SYNE2: variants seen among roughly 807,000 people sequenced by gnomAD.
SYNE2 encodes nesprin-2.
SYNE2 carries 431 observed loss-of-function variants against 856.3 expected under a neutral mutation model. The observed-to-expected ratio is 0.50, with a 90% CI of 0.47 to 0.55. The LOEUF (loss-of-function observed/expected upper bound fraction) is 0.55, where lower values mean the gene tolerates loss of function less well. SYNE2 is among the 20% of genes least tolerant of loss of function. The pLI, the probability that SYNE2 is intolerant of heterozygous loss-of-function variation, is 0.00. For synonymous variants in SYNE2, 2,923 were observed against 2,872.3 expected (o/e 1.02, Z -0.56); for missense variants, 8,129 against 8,023.2 (o/e 1.01, Z -0.50).
At position 64,074,133 on chromosome 14, in the gene SYNE2, T is replaced by C; in HGVS notation, c.10863T>C (p.Phe3621=). The C allele has an allele frequency of 6.2e-7, 1 of 1,613,900 alleles. No individual in the cohort carries two copies. The part of the protein sequence containing the change: ...FQDHPEKSEQ[F]EELQSILKKG... ...ATCACCCAGAAAAGTCAGAACAATTTGAGGTAAGTGAGGAATGAATTAGTG... is the reference window on the plus strand; with the variant it reads ...ATCACCCAGAAAAGTCAGAACAATTCGAGGTAAGTGAGGAATGAATTAGTG... Residue 3621 remains phenylalanine (F), a synonymous_variant, in exon 53 of 116, where the codon TTT becomes TTC. Coordinates refer to ENST00000555002, the MANE Select transcript of SYNE2 (RefSeq NM_182914.3).
At chr14:64,117,055 G>T (rs75640590) in intron 66 of SYNE2, among the ~76,000 whole-genome samples, 5,707 of 152,246 alleles carry the variant, frequency 0.037, 341 homozygotes, top group African/African-American at 0.12. Context: ...GTCTGTGGGG[G>T]TTGTGTTACA....
rs139831301 is a variant in SYNE2, at chr14:64,116,323, T to C, written c.12840+2752T>C. ...TTAAAAAAATATCATTCTGGAAAAA[T>C]AGATACTCTAATGTCTGGTAGTTCT... On this transcript the variant is annotated intron_variant, in intron 66 of 115. Transcript: ENST00000555002. 6.5e-4 allele frequency among the ~76,000 whole-genome samples: 99 copies of C among 152,296 alleles called. 1 individual carries two copies. In the East Asian group the frequency reaches 0.018, roughly 28 times the overall value.
At chr14:64,126,891 C>A (rs541546598) in intron 73 of SYNE2, 84 bp downstream of exon 73, 5 of 1,367,194 alleles carry the variant, frequency 3.7e-6, no homozygotes, top group Non-Finnish European at 5.1e-6. Flanking sequence ...TTCCTGGTGA[C>A]ATTTGTTAAT....
In SYNE2 at chr14:64,021,417, G is replaced by C; in HGVS notation, c.5254G>C (p.Glu1752Gln). Reference protein sequence around the residue: ...ALSGSTAELREDLDQAKTQIG... With the variant: ...ALSGSTAELRQDLDQAKTQIG... ...CAGTGGCAGCACTGCTGAGCTAAGGGAGGATCTCGACCAAGCCAAGACCCA... is the reference window on the plus strand; with the variant it reads ...CAGTGGCAGCACTGCTGAGCTAAGGCAGGATCTCGACCAAGCCAAGACCCA... Residue 1752 changes from glutamate (E) to glutamine (Q), a missense_variant, in exon 36 of 116, where the codon GAG becomes CAG. Physicochemically the swap from Glu to Gln is conservative, Grantham distance 29. Around this residue, in one of 3 missense-constraint regions of SYNE2, gnomAD observed 2,422 missense variants for 2,357.4 expected, o/e 1.03. Coordinates refer to ENST00000555002, the MANE Select transcript of SYNE2 (RefSeq NM_182914.3). 1 of 1,614,160 alleles carries C rather than the reference G, an allele frequency of 6.2e-7. No homozygotes were observed.
At chr14:63,902,718 A>T (rs963757286) in intron 1 of SYNE2, among the ~76,000 whole-genome samples, 2 of 151,260 alleles carry the variant, frequency 1.3e-5, no homozygotes, top group Non-Finnish European at 2.9e-5. Flanking sequence ...TTTGGAGACA[A>T]GGTCTTGCTT....
chr14:64,052,132 T>C lies in SYNE2; in HGVS notation c.8219T>C (p.Ile2740Thr), dbSNP rs1477836562. 1 of 1,614,140 alleles carries C rather than the reference T, an allele frequency of 6.2e-7. No homozygotes were observed. Among genetic ancestry groups the C allele is most frequent in the South Asian group, 1.1e-5 (1 of 91,082 alleles). The change falls in exon 48 of 116, where the codon ATC becomes ACC. Residue 2740 changes from isoleucine to threonine, a missense_variant. Coordinates refer to ENST00000555002, the MANE Select transcript of SYNE2 (RefSeq NM_182914.3). Reference sequence around the variant, plus strand: ...ATAAGGAACAAGATGAAAGAGACTATCTTATGGGCCAAGAATTTGTTGGGT... The same window carrying C: ...ATAAGGAACAAGATGAAAGAGACTACCTTATGGGCCAAGAATTTGTTGGGT... Reference protein sequence around the residue: ...CDIRNKMKETILWAKNLLGEL... With the variant: ...CDIRNKMKETTLWAKNLLGEL...
At chr14:64,003,435 C>G in intron 30 of SYNE2, 105 bp downstream of exon 30, 2 of 1,403,700 alleles carry the variant, frequency 1.4e-6, no homozygotes, top group South Asian at 2.3e-5. Context: ...GCTTCTATTC[C>G]ATCCCACTCT....
At chr14:63,783,122 G>C (rs113105592) in intron 1 of SYNE2, among the ~76,000 whole-genome samples, 2 of 152,024 alleles carry the variant, frequency 1.3e-5, no homozygotes, top group Non-Finnish European at 2.9e-5. Context: ...GGGAGAGACC[G>C]GGTGGAGGTA....
chr14:63,982,177 GATA>G (rs2096590496), intron 16 of SYNE2, among the ~76,000 whole-genome samples: 1 of 152,186 alleles, frequency 6.6e-6, no homozygotes, highest in Non-Finnish European at 1.5e-5. Flanking sequence ...GGAACTGTTA[GATA>G]ATATTTCTGG....
At position 63,943,198 on chromosome 14, in the gene SYNE2, T is replaced by G. The variant is rs1388848526; in HGVS notation, c.408+1055T>G. 3.3e-5 allele frequency among the ~76,000 whole-genome samples: 5 copies of G among 152,170 alleles called. No individual in the cohort carries two copies. In the East Asian group the frequency reaches 9.6e-4, roughly 29 times the overall value. On this transcript the variant is annotated intron_variant, in intron 6 of 115. Transcript: ENST00000555002. ...CATCCAGTTCTATCCCAAGACTGAG[T>G]TGTGGATGCATTTCGTTTCACAGAT...
In SYNE2 at chr14:63,944,778, C is replaced by A. The variant is rs2095994501; in HGVS notation, c.408+2635C>A. On this transcript the variant is annotated intron_variant, in intron 6 of 115. Coordinates refer to ENST00000555002, the MANE Select transcript of SYNE2 (RefSeq NM_182914.3). ...TCATGATCTTCCTGCCTTGGCCTCC[C>A]AAAGTGCTGGGATTACAGGCGTGAG... is the stretch of plus-strand genomic sequence containing the variant. 1.4e-5 allele frequency among the ~76,000 whole-genome samples: 2 copies of A among 145,234 alleles called. 1 individual carries two copies. The highest frequency in any genetic ancestry group is 3.0e-5 in the Non-Finnish European group (2 of 67,068).
rs77945546 is a variant in SYNE2, at chr14:63,925,461, A to G, written c.80-15153A>G. On this transcript the variant is annotated intron_variant, in intron 2 of 115. Transcript: ENST00000555002. ...TAGACATGCAATGCATAATAATCAT[A>G]TCTGTATCCATTACCCCAAGCATTT... 1.0e-3 allele frequency among the ~76,000 whole-genome samples: 155 copies of G among 152,364 alleles called. 2 individuals are homozygous for G. In the East Asian group the frequency reaches 0.015, roughly 14 times the overall value.
intron 79 of SYNE2, among the ~76,000 whole-genome samples, chr14:64,139,335 C>G (rs1345973993): frequency 6.7e-6 from 1 of 148,470 alleles, no homozygotes; most frequent in Non-Finnish European, 1.5e-5. Context: ...ATAAAAATCT[C>G]TGTTCCTTCA....
At chr14:64,109,875 T>A (rs2153653330) in intron 65 of SYNE2, among the ~76,000 whole-genome samples, 1 of 152,348 alleles carries the variant, frequency 6.6e-6, no homozygotes, top group African/African-American at 2.4e-5. Context: ...ACCTTTTGTT[T>A]CAGAGGTTAA....
intron 54 of SYNE2, 111 bp from the exon 55 acceptor site, chr14:64,078,355 T>C: frequency 1.4e-6 from 2 of 1,425,354 alleles, no homozygotes; most frequent in Non-Finnish European, 1.9e-6. Flanking sequence ...CCCCAGCCCT[T>C]AAAAAATTTT....
At position 64,098,765 on chromosome 14, in the gene SYNE2, A is replaced by T. The variant is rs1296085055; in HGVS notation, c.12325A>T (p.Met4109Leu). 1 of 1,614,120 alleles carries T rather than the reference A, an allele frequency of 6.2e-7. No homozygotes were observed. Among genetic ancestry groups the T allele is most frequent in the Admixed American group, 1.7e-5 (1 of 60,018 alleles). Residue 4109 changes from methionine (M) to leucine (L), a missense_variant, in exon 63 of 116, where the codon ATG becomes TTG. Around this residue, in one of 3 missense-constraint regions of SYNE2, gnomAD observed 5,410 missense variants for 5,284.8 expected, o/e 1.02. Transcript: ENST00000555002. ...SERKLNRRGS[M>L]SYLAAVEEEV... ...CTTTCAGTTGAACAGAAGAGGCTCC[A>T]TGTCTTACCTGGCAGCAGTCGAGGA...
chr14:63,819,663 A>G (rs571718484), intron 1 of SYNE2, among the ~76,000 whole-genome samples: 1 of 151,756 alleles, frequency 6.6e-6, no homozygotes, highest in East Asian at 1.9e-4. Flanking sequence ...CAGCCTCCCA[A>G]GTAGCTGGGA....
rs138636070 is a variant in SYNE2, at chr14:63,967,037, C to T, written c.991-672C>T. Among the ~76,000 whole-genome samples the T allele has an allele frequency of 9.9e-5, 15 of 151,962 alleles. No individual in the cohort carries two copies. In the East Asian group the frequency reaches 1.9e-3, roughly 20 times the overall value. On this transcript the variant is annotated intron_variant, in intron 10 of 115. Transcript: ENST00000555002. ...GGTGCCACCACGCCCAGCTAATTTC[C>T]GTATTTTTAGTAGAGACGGGGTTTC...
chr14:64,043,111 G>T (rs1353372799), intron 45 of SYNE2, among the ~76,000 whole-genome samples: 4 of 152,210 alleles, frequency 2.6e-5, no homozygotes, highest in African/African-American at 9.6e-5. Context: ...TCAGCAAAGG[G>T]ATTGGTGGCA....
Sources: gnomAD v4.1 joint callset for allele counts (sites outside exome capture counted in the v4.1 genomes callset) on GRCh38, gnomAD v4.1.1 for gene constraint, gnomAD v4.1.1 regional missense constraint, MANE v1.5 for transcripts, NCBI Gene and HGNC (gene_info 2026-07-23, HGNC 2026-07-21) for gene names.